Variants in SEZ6L2 observed in about 807,000 individuals in gnomAD.
The protein encoded by SEZ6L2 is seizure 6-like protein 2.
A neutral mutation model predicts 97.0 loss-of-function variants in SEZ6L2; 44 were observed. The observed-to-expected ratio is 0.45, with a 90% confidence interval of 0.36 to 0.58. The LOEUF (loss-of-function observed/expected upper bound fraction) is 0.58. Ranked by LOEUF, SEZ6L2 falls within the 20% of genes least tolerant of loss-of-function variation. The pLI, the probability that SEZ6L2 is intolerant of heterozygous loss-of-function variation, is 0.00. For missense variants in SEZ6L2, 1,086 were observed against 1,233.3 expected, an observed-to-expected ratio of 0.88 and a Z score of 1.79; for synonymous variants, 543 against 546.1, an observed-to-expected ratio of 0.99 and a Z score of 0.08.
intron 5 of SEZ6L2, among the ~76,000 whole-genome samples, chr16:29,892,336 A>C (rs1204489533): frequency 2.0e-5 from 3 of 152,208 alleles, no homozygotes; most frequent in African/African-American, 7.2e-5. Flanking sequence ...TGCTTCCCCA[A>C]ATGTTCCACT....
At chr16:29,872,611 G>C (rs567682314) in intron 15 of SEZ6L2, 85 bp from the exon 16 acceptor site, 20 of 1,598,664 alleles carry the variant, frequency 1.3e-5, no homozygotes, top group Non-Finnish European at 1.7e-5. Flanking sequence ...TCAAACCCTG[G>C]GCTTCATCCC....
At chr16:29,872,618 T>C in intron 15 of SEZ6L2, 87 bp downstream of exon 15, 13 of 1,597,980 alleles carry the variant, frequency 8.1e-6, no homozygotes, top group Non-Finnish European at 1.1e-5. Flanking sequence ...CTGGGCTTCA[T>C]CCCTCCAAGG....
rs145776538 is a variant in SEZ6L2 at position 29,876,325 on chromosome 16, C to G, written c.2104+431G>C. On this transcript the variant is annotated intron_variant, in intron 12 of 17. Coordinates refer to ENST00000617533, the MANE Select transcript of SEZ6L2 (RefSeq NM_001243332.2). The surrounding 1 kb of genome is among the most constrained non-coding windows in gnomAD (Gnocchi z 6.5). ...CTAGCAAAGTGGCTCCCTACAATTT[C>G]AACTGATAGGACTGCGGGATTGGGG... Among the ~76,000 whole-genome samples the G allele has an allele frequency of 4.0e-3, 613 of 152,296 alleles. 6 individuals carry two copies. The highest frequency in any genetic ancestry group is 0.013 in the African/African-American group (552 of 41,560).
At chr16:29,885,999 G>A (rs1179981063) in intron 7 of SEZ6L2, 6 of 343,226 alleles carry the variant, frequency 1.7e-5, no homozygotes, top group Non-Finnish European at 3.2e-5. Context: ...CCTGTCCAAG[G>A]TCACAGAGCA....
Position 29,876,893 on chromosome 16 carries a change from G to A in SEZ6L2, c.1967C>T (p.Thr656Met). ...CCGGATCAGGTCCCCGTGGGATGCC[G>A]TTCTCCAGCCCCACTCCGGAGGTGG... ...ELPPPEWGWR[T>M]ASHGDLIRGT... The change falls in exon 12 of 18, where the codon ACG becomes ATG. Residue 656 changes from threonine to methionine, a missense_variant. Coordinates refer to ENST00000617533, the MANE Select transcript of SEZ6L2 (RefSeq NM_001243332.2). This position sits in a 1 kb window ranked among gnomAD's most constrained non-coding sequence, Gnocchi z 6.5. 6.2e-7 allele frequency: 1 copy of A among 1,613,530 alleles called. No individual in the cohort carries two copies. Among genetic ancestry groups the A allele is most frequent in the Non-Finnish European group, 8.5e-7 (1 of 1,179,792 alleles).
At position 29,888,743 on chromosome 16, in the gene SEZ6L2, C is replaced by G; in HGVS notation, c.854-18G>C. 1 of 1,596,500 alleles carries G rather than the reference C, an allele frequency of 6.3e-7. No homozygotes were observed. Among genetic ancestry groups the G allele is most frequent in the Non-Finnish European group, 8.5e-7 (1 of 1,171,300 alleles). ...GAGGTAGGCTGCACCAGACAGACAG[C>G]GGGTAGCAGGGCTCACTTTCCCATG... On this transcript the variant is annotated intron_variant, in intron 5 of 17. Coordinates refer to ENST00000617533, the MANE Select transcript of SEZ6L2 (RefSeq NM_001243332.2).
At position 29,873,444 on chromosome 16, in the gene SEZ6L2, T is replaced by C. The variant is rs955857278; in HGVS notation, c.2297-13A>G. The C allele has an allele frequency of 6.2e-7, 1 of 1,614,020 alleles. No homozygotes were observed. Among genetic ancestry groups the C allele is most frequent in the Non-Finnish European group, 8.5e-7 (1 of 1,180,020 alleles). ...GGCTCGTACTTCACTGCGGGGAGCATGCCAGTCACGTGCCAGCTGCACTAC... is the reference window on the plus strand; with the variant it reads ...GGCTCGTACTTCACTGCGGGGAGCACGCCAGTCACGTGCCAGCTGCACTAC... On this transcript the variant is annotated splice_polypyrimidine_tract_variant and intron_variant, in intron 13 of 17. Coordinates refer to ENST00000617533, the MANE Select transcript of SEZ6L2 (RefSeq NM_001243332.2). The surrounding 1 kb of genome is among the most constrained non-coding windows in gnomAD (Gnocchi z 4.3).
intron 9 of SEZ6L2, 35 bp from the exon 10 acceptor site, chr16:29,878,460 G>T: frequency 6.4e-7 from 1 of 1,557,496 alleles, no homozygotes; most frequent in South Asian, 1.2e-5. Context: ...CAGGACCCAG[G>T]TGGGCATGCT....
chr16:29,872,968 C>A lies in SEZ6L2; in HGVS notation c.2489-225G>T, dbSNP rs184352550. 8.5e-5 allele frequency among the ~76,000 whole-genome samples: 13 copies of A among 152,346 alleles called. No homozygotes were observed. In the East Asian group the frequency reaches 2.1e-3, roughly 25 times the overall value. ...AGTCAGGGTTCCTGGACAGTCTGAG[C>A]CAAACTAGAACTTGTCAGCGATAGG... On this transcript the variant is annotated intron_variant, in intron 14 of 17. Coordinates refer to ENST00000617533, the MANE Select transcript of SEZ6L2 (RefSeq NM_001243332.2).
chr16:29,895,662 C>G (rs1276996709), intron 4 of SEZ6L2, 59 bp downstream of exon 4: 5 of 1,565,664 alleles, frequency 3.2e-6, no homozygotes, highest in East Asian at 2.3e-5. Context: ...CCCGTGCACA[C>G]CCACAGCCCA....
intron 8 of SEZ6L2, among the ~76,000 whole-genome samples, chr16:29,884,704 G>A (rs942815976): frequency 2.0e-5 from 3 of 151,224 alleles, no homozygotes; most frequent in Non-Finnish European, 4.4e-5. Flanking sequence ...ACCTGAGTTC[G>A]GGAGTTCCAG....
chr16:29,894,304 C>T (rs2068333140), intron 5 of SEZ6L2, among the ~76,000 whole-genome samples: 1 of 152,192 alleles, frequency 6.6e-6, no homozygotes, highest in Non-Finnish European at 1.5e-5. Context: ...GGTCACACAG[C>T]TAGGACAATT....
chr16:29,877,201 C>A, intron 11 of SEZ6L2, 70 bp downstream of exon 11: 1 of 1,445,328 alleles, frequency 6.9e-7, no homozygotes, highest in Non-Finnish European at 9.2e-7. Context: ...TGAGCCACCA[C>A]GACCGGCCAC....
At chr16:29,892,738 C>A (rs2068296180) in intron 5 of SEZ6L2, among the ~76,000 whole-genome samples, 2 of 152,234 alleles carry the variant, frequency 1.3e-5, no homozygotes, top group Non-Finnish European at 2.9e-5. Flanking sequence ...GTGAAGGGGG[C>A]ATTGGCCCGA....
intron 17 of SEZ6L2, 101 bp from the exon 18 acceptor site, chr16:29,871,829 T>C: frequency 9.4e-7 from 1 of 1,062,192 alleles, no homozygotes; most frequent in Non-Finnish European, 1.4e-6. Context: ...AAAGTAACAT[T>C]GACCTCTAGG....
rs754484268 is a variant in SEZ6L2, at chr16:29,899,033, G to C, written c.-14C>G. On this transcript the variant is annotated 5_prime_UTR_variant, in exon 1 of 18. In the 5' UTR this introduces an upstream ATG that the reference lacks. Transcript: ENST00000617533. ...GGGAGTCCCCATGGCGACTCACCCCGATCTCTCTCCTCTGTGCCTCTCTAA... is the reference window on the plus strand; with the variant it reads ...GGGAGTCCCCATGGCGACTCACCCCCATCTCTCTCCTCTGTGCCTCTCTAA... 1 of 1,599,496 alleles carries C rather than the reference G, an allele frequency of 6.3e-7. No individual in the cohort carries two copies. Among genetic ancestry groups the C allele is most frequent in the Non-Finnish European group, 8.5e-7 (1 of 1,172,922 alleles).
chr16:29,898,208 G>A (rs976564722), intron 1 of SEZ6L2, among the ~76,000 whole-genome samples: 2 of 151,946 alleles, frequency 1.3e-5, no homozygotes, highest in African/African-American at 4.8e-5. Flanking sequence ...TTCTCCCTGG[G>A]CTGTGTGGGC....
rs115351766 is a variant in SEZ6L2, at chr16:29,899,070, G to A, written c.-51C>T. 1,848 of 1,301,380 alleles carry A rather than the reference G, an allele frequency of 1.4e-3. 28 individuals are homozygous for A. In the African/African-American group the frequency reaches 0.025, roughly 17 times the overall value. 80.6% of individuals were successfully genotyped at this position (1,301,380 alleles called of 1,614,324 possible). On this transcript the variant is annotated 5_prime_UTR_variant, in exon 1 of 18. Coordinates refer to ENST00000617533, the MANE Select transcript of SEZ6L2 (RefSeq NM_001243332.2). ...CTGTGCCTCTCTAAGTAATCTGGCT[G>A]CCACCTTTCCTCCGTCTCCGTTTAT...
rs745491395 is a variant in SEZ6L2 at position 29,877,424 on chromosome 16, C to G, written c.1756G>C (p.Asp586His). Residue 586 changes from aspartate to histidine, a missense_variant, in exon 11 of 18, where the codon GAC becomes CAC. By Grantham distance (81) the Asp-to-His change is moderately conservative (BLOSUM62 -1). Coordinates refer to ENST00000617533, the MANE Select transcript of SEZ6L2 (RefSeq NM_001243332.2). ...EGDMLTLFDG[D>H]GPSARVLAQL... ...GCCAAGACTCGGGCGCTGGGACCGT[C>G]CCCGTCGAACAGCGTCAGCATGTCC... 2 of 1,610,084 alleles carry G rather than the reference C, an allele frequency of 1.2e-6. No homozygotes were observed. The highest frequency in any genetic ancestry group is 2.2e-5 in the South Asian group (2 of 90,672).
Sources: gnomAD v4.1 joint callset for allele counts (sites outside exome capture counted in the v4.1 genomes callset) on GRCh38, gnomAD v4.1.1 for gene constraint, Gnocchi (gnomAD v3.1) non-coding constraint, MANE v1.5 for transcripts, NCBI Gene and HGNC (gene_info 2026-07-23, HGNC 2026-07-21) for gene names.